Variants in RAD51B observed in about 807,000 individuals in gnomAD.
RAD51B encodes the protein RAD51 paralog B, also known as DNA repair protein RAD51 homolog 2.
Under a neutral mutation model 42.2 loss-of-function variants are expected in RAD51B, and 38 were observed. The observed-to-expected ratio is 0.90, with a 90% CI of 0.70 to 1.18. The LOEUF (loss-of-function observed/expected upper bound fraction) is 1.18, where lower values mean the gene tolerates loss of function less well. Among genes scored for constraint, RAD51B ranks in the 50% most tolerant of loss-of-function variants. RAD51B has a pLI of 0.00. For synonymous variants in RAD51B, 154 were observed against 145.2 expected (o/e 1.06, Z -0.43); for missense variants, 373 against 400.7 (o/e 0.93, Z 0.59).
downstream of RAD51B, among the ~76,000 whole-genome samples, chr14:68,482,675 CT>C (rs1489608753): frequency 6.6e-6 from 1 of 152,164 alleles, no homozygotes; most frequent in Non-Finnish European, 1.5e-5. Context: ...TTCAAAGAGG[CT>C]TCTTTTGCAC....
chr14:68,130,892 T>TTG (rs531162923), intron 7 of RAD51B, among the ~76,000 whole-genome samples: 119 of 151,098 alleles, frequency 7.9e-4, no homozygotes, highest in African/African-American at 1.4e-3. Context: ...GGGTGTGTGT[T>TTG]TGTGTGTGTG....
At chr14:68,198,934 G>A (rs1213821126) in intron 7 of RAD51B, among the ~76,000 whole-genome samples, 6 of 152,100 alleles carry the variant, frequency 3.9e-5, no homozygotes, top group South Asian at 2.1e-4. Flanking sequence ...TGTTGGAAAC[G>A]TTCTTTTTAT....
intron 4 of RAD51B, among the ~76,000 whole-genome samples, chr14:67,849,374 C>G (rs181366045): frequency 1.3e-5 from 2 of 152,128 alleles, no homozygotes; most frequent in African/African-American, 4.8e-5. Context: ...CTTCACCTCC[C>G]GGGTTCAAGC....
At chr14:68,555,109 G>A (rs1447401205) in intron 10 of RAD51B, among the ~76,000 whole-genome samples, 2 of 152,134 alleles carry the variant, frequency 1.3e-5, no homozygotes, top group African/African-American at 4.8e-5. Flanking sequence ...GCCTCCCAAA[G>A]TGCTGGGATT....
At chr14:68,061,987 G>T (rs896152172) in intron 7 of RAD51B, among the ~76,000 whole-genome samples, 44 of 152,166 alleles carry the variant, frequency 2.9e-4, no homozygotes, top group African/African-American at 8.4e-4. Context: ...TTCTTAGAGG[G>T]AGAACATTCA....
intron 7 of RAD51B, among the ~76,000 whole-genome samples, chr14:67,935,553 A>G (rs952555445): frequency 2.0e-5 from 3 of 152,046 alleles, no homozygotes; most frequent in African/African-American, 7.2e-5. Context: ...TTTTGTAGAG[A>G]TGGGGATCTT....
At chr14:68,388,219 G>A (rs1389343040) in intron 8 of RAD51B, among the ~76,000 whole-genome samples, 16 of 151,668 alleles carry the variant, frequency 1.1e-4, no homozygotes, top group African/African-American at 3.4e-4. Context: ...TCAGCCTCCC[G>A]AGTAGGTGAG....
intron 7 of RAD51B, among the ~76,000 whole-genome samples, chr14:68,081,617 A>G (rs2076913031): frequency 6.6e-6 from 1 of 152,238 alleles, no homozygotes; most frequent in Non-Finnish European, 1.5e-5. Flanking sequence ...GAGGCTACTT[A>G]GAGGCTGTGG....
At chr14:68,038,994 G>A (rs2076176440) in intron 7 of RAD51B, among the ~76,000 whole-genome samples, 1 of 152,022 alleles carries the variant, frequency 6.6e-6, no homozygotes, top group Non-Finnish European at 1.5e-5. Flanking sequence ...ACATCATGTT[G>A]ATAGCTTCAA....
At chr14:67,910,558 T>C (rs2043943138) in intron 7 of RAD51B, among the ~76,000 whole-genome samples, 1 of 151,952 alleles carries the variant, frequency 6.6e-6, no homozygotes, top group Non-Finnish European at 1.5e-5. Context: ...ATTGCTCATT[T>C]TTTGACTCGT....
chr14:68,153,617 T>G (rs1269287244), intron 7 of RAD51B, among the ~76,000 whole-genome samples: 1 of 152,248 alleles, frequency 6.6e-6, no homozygotes, highest in Non-Finnish European at 1.5e-5. Flanking sequence ...CATATGCTCG[T>G]TGGCCATATA....
At chr14:68,227,115 G>A (rs903715739) in intron 7 of RAD51B, among the ~76,000 whole-genome samples, 5 of 152,126 alleles carry the variant, frequency 3.3e-5, no homozygotes, top group East Asian at 1.9e-4. Context: ...AGGCCTCCTC[G>A]TCACAAGTGT....
intron 10 of RAD51B, among the ~76,000 whole-genome samples, chr14:68,646,501 ATT>A (rs1892567225): frequency 6.6e-6 from 1 of 152,106 alleles, no homozygotes; most frequent in African/African-American, 2.4e-5. Context: ...TGTTGCAAAT[ATT>A]TCTCCCAGCT....
At chr14:67,859,152 G>A (rs1369589567) in intron 4 of RAD51B, among the ~76,000 whole-genome samples, 1 of 152,194 alleles carries the variant, frequency 6.6e-6, no homozygotes, top group Non-Finnish European at 1.5e-5. Flanking sequence ...TAGTGCATGA[G>A]GAAAGCATGC....
chr14:68,171,996 C>T (rs2078883333), intron 7 of RAD51B, among the ~76,000 whole-genome samples: 1 of 152,206 alleles, frequency 6.6e-6, no homozygotes, highest in Admixed American at 6.5e-5. Flanking sequence ...TGTGAGCCAC[C>T]ACACCCAGCC....
At chr14:68,246,686 C>T (rs1213120690) in intron 7 of RAD51B, among the ~76,000 whole-genome samples, 3 of 152,244 alleles carry the variant, frequency 2.0e-5, no homozygotes, top group Non-Finnish European at 4.4e-5. Context: ...CTGTTTTTTG[C>T]TATACTCCTG....
At chr14:68,292,932 G>T (rs34495454) in intron 8 of RAD51B, among the ~76,000 whole-genome samples, 3 of 152,164 alleles carry the variant, frequency 2.0e-5, no homozygotes, top group Admixed American at 2.0e-4. Flanking sequence ...CCCTATCAGC[G>T]AGGCTGAAAA....
At chr14:68,231,945 A>G (rs772979450) in intron 7 of RAD51B, among the ~76,000 whole-genome samples, 1 of 152,196 alleles carries the variant, frequency 6.6e-6, no homozygotes, top group Non-Finnish European at 1.5e-5. Context: ...CAGAAAGCAG[A>G]CTCAGGAAAG....
chr14:68,669,383 C>G (rs1595055849), intron 11 of RAD51B, among the ~76,000 whole-genome samples: 1 of 152,324 alleles, frequency 6.6e-6, no homozygotes, highest in East Asian at 1.9e-4. Flanking sequence ...TAGGCCACAT[C>G]TAGAGAGGCC....
Sources: gnomAD v4.1 joint callset for allele counts (sites outside exome capture counted in the v4.1 genomes callset) on GRCh38, gnomAD v4.1.1 for gene constraint, MANE v1.5 for transcripts, NCBI Gene and HGNC (gene_info 2026-07-23, HGNC 2026-07-21) for gene names.